The following CUL1 variants were observed in gnomAD, a reference collection of about 807,000 sequenced individuals.
CUL1 encodes cullin-1.
CUL1 carries 24 observed loss-of-function variants against 118.0 expected under a neutral mutation model. The observed-to-expected ratio is 0.20, with a 90% CI of 0.15 to 0.29. The LOEUF (loss-of-function observed/expected upper bound fraction) is 0.29, where lower values mean the gene tolerates loss of function less well. Ranked by LOEUF, CUL1 falls within the 10% of genes least tolerant of loss-of-function variation. The probability of loss-of-function intolerance (pLI) is 1.00; values close to 1 mark genes in which losing one functional copy is unlikely to be tolerated. For synonymous variants in CUL1, 332 were observed against 340.4 expected, an observed-to-expected ratio of 0.98 and a Z score of 0.27; for missense variants, 361 against 933.8, an observed-to-expected ratio of 0.39 and a Z score of 7.99.
rs932224228 is a variant in CUL1 at position 148,749,498 on chromosome 7, T to C, written c.141-4478T>C. Among the ~76,000 whole-genome samples, 4 of 151,358 alleles carry C rather than the reference T, an allele frequency of 2.6e-5. No homozygotes were observed. In the East Asian group the frequency reaches 7.7e-4, roughly 29 times the overall value. ...GAAAATTATTAAAACCCAAAATAGT[T>C]CTTTAAAAAACCGACAAGCCTCTGG... On this transcript the variant is annotated intron_variant, in intron 2 of 21. Transcript: ENST00000325222.
At chr7:148,781,665 C>A (rs1311440711) in intron 9 of CUL1, among the ~76,000 whole-genome samples, 1 of 152,180 alleles carries the variant, frequency 6.6e-6, no homozygotes, top group Non-Finnish European at 1.5e-5. Context: ...ATCACTGGTT[C>A]AGAGGAGTCC....
intron 2 of CUL1, among the ~76,000 whole-genome samples, chr7:148,752,572 A>AT (rs71192724): frequency 0.25 from 37,793 of 152,016 alleles, 5,536 homozygotes; most frequent in South Asian, 0.35. Context: ...ATAGAGATTC[A>AT]TTTTTTTAAT....
intron 2 of CUL1, 127 bp downstream of exon 2, chr7:148,730,389 C>A: frequency 2.7e-6 from 3 of 1,127,374 alleles, no homozygotes; most frequent in South Asian, 1.7e-5. Context: ...TCGCAGGGTT[C>A]ATTTTTAGCC....
intron 2 of CUL1, among the ~76,000 whole-genome samples, chr7:148,744,611 T>C (rs1799250952): frequency 6.6e-6 from 1 of 152,178 alleles, no homozygotes; most frequent in Non-Finnish European, 1.5e-5. Context: ...CATATGTTTT[T>C]AAACCCACAA....
At chr7:148,700,620 A>G (rs144795045) in intron 1 of CUL1, among the ~76,000 whole-genome samples, 13 of 152,328 alleles carry the variant, frequency 8.5e-5, no homozygotes, top group Non-Finnish European at 1.6e-4. Context: ...TTACATTTCA[A>G]ATTCCAAAGC....
At chr7:148,765,399 G>A (rs1383872679) in intron 7 of CUL1, among the ~76,000 whole-genome samples, 1 of 152,174 alleles carries the variant, frequency 6.6e-6, no homozygotes, top group Non-Finnish European at 1.5e-5. Flanking sequence ...GGAAGCCGAG[G>A]CAGGAGAATT....
intron 9 of CUL1, among the ~76,000 whole-genome samples, chr7:148,778,095 A>AAAGAAG (rs1488340904): frequency 3.7e-5 from 3 of 80,740 alleles, no homozygotes; most frequent in African/African-American, 6.1e-5. Context: ...AAAAAAAAAA[A>AAAGAAG]AAGAAGAAGA....
chr7:148,754,107 G>A lies in CUL1; in HGVS notation c.272G>A (p.Arg91Gln), dbSNP rs1012140487. ...AQFVGLELYK[R>Q]LKEFLKNYLT... Reference sequence around the variant, plus strand: ...TTTGTTGGCCTGGAATTATATAAACGACTTAAGGAATTTTTGAAGAATTAC... The same window carrying A: ...TTTGTTGGCCTGGAATTATATAAACAACTTAAGGAATTTTTGAAGAATTAC... Residue 91 changes from arginine (R) to glutamine (Q), a missense_variant, in exon 3 of 22, where the codon CGA (arginine) becomes CAA (glutamine). This residue lies in a region of CUL1 where 49 missense variants were observed against 67.4 expected (regional missense o/e 0.73). Coordinates refer to ENST00000325222, the MANE Select transcript of CUL1 (RefSeq NM_003592.3). 4.3e-6 allele frequency: 7 copies of A among 1,611,654 alleles called. No homozygotes were observed. The highest frequency in any genetic ancestry group is 2.2e-5 in the South Asian group (2 of 90,512).
chr7:148,713,109 G>T (rs762336348), intron 1 of CUL1, among the ~76,000 whole-genome samples: 4 of 152,206 alleles, frequency 2.6e-5, no homozygotes, highest in Admixed American at 6.5e-5. Flanking sequence ...TGAAAAGCAT[G>T]TGTGGTGTAG....
At chr7:148,763,332 G>A (rs919668546) in intron 7 of CUL1, among the ~76,000 whole-genome samples, 2 of 151,990 alleles carry the variant, frequency 1.3e-5, no homozygotes, top group Admixed American at 6.6e-5. Context: ...GGTTTGGCCC[G>A]GATCCACTTG....
At position 148,800,100 on chromosome 7, in the gene CUL1, T is replaced by G. The variant is rs771066786; in HGVS notation, c.2251-402T>G. Among the ~76,000 whole-genome samples, 5 of 152,200 alleles carry G rather than the reference T, an allele frequency of 3.3e-5. No homozygotes were observed. Among genetic ancestry groups the G allele is most frequent in the Non-Finnish European group, 7.3e-5 (5 of 68,030 alleles). On this transcript the variant is annotated intron_variant, in intron 21 of 21. Transcript: ENST00000325222. The surrounding 1 kb of genome is among the most constrained non-coding windows in gnomAD (Gnocchi z 4.6). ...CCTCCTGGGTTACATTTGGCACAGGTGCCAGTTCGTTCATGGCTGTTCAGG... is the reference window on the plus strand; with the variant it reads ...CCTCCTGGGTTACATTTGGCACAGGGGCCAGTTCGTTCATGGCTGTTCAGG...
Position 148,798,022 on chromosome 7 carries a change from A to G in CUL1, c.2030+3A>G. The G allele has an allele frequency of 6.4e-7, 1 of 1,555,834 alleles. No individual in the cohort carries two copies. ...AAATTATATCTTGGTTATAAAAAGT[A>G]AGAAAAATCTAATAAGTAGATGGCC... is the stretch of plus-strand genomic sequence containing the variant. On this transcript the variant is annotated splice_donor_region_variant and intron_variant, in intron 19 of 21. Transcript: ENST00000325222.
At position 148,760,511 on chromosome 7, in the gene CUL1, AG is replaced by A. The variant is rs759641931; in HGVS notation, c.789+16del. On this transcript the variant is annotated intron_variant, in intron 7 of 21. Coordinates refer to ENST00000325222, the MANE Select transcript of CUL1 (RefSeq NM_003592.3). ...ATATGAAAAAGGTAAGCTTAAATAT[AG>A]TACTTTAAGTAGACTTAAGTTAAAG... 2 of 1,571,074 alleles carry A rather than the reference AG, an allele frequency of 1.3e-6. No homozygotes were observed. The highest frequency in any genetic ancestry group is 1.2e-5 in the South Asian group (1 of 85,592).
At chr7:148,714,301 T>G (rs1272181781) in intron 1 of CUL1, among the ~76,000 whole-genome samples, 1 of 152,220 alleles carries the variant, frequency 6.6e-6, no homozygotes, top group African/African-American at 2.4e-5. Context: ...TAACATTTTT[T>G]TGTGGTAAGA....
chr7:148,739,749 GTTTTA>G (rs1563155375), intron 2 of CUL1, among the ~76,000 whole-genome samples: 2 of 152,052 alleles, frequency 1.3e-5, no homozygotes, highest in Admixed American at 6.5e-5. Context: ...TAATTTATTG[GTTTTA>G]TTTTATTTTT....
chr7:148,776,386 G>A (rs1346614345), intron 9 of CUL1, among the ~76,000 whole-genome samples: 2 of 127,580 alleles, frequency 1.6e-5, no homozygotes, highest in African/African-American at 6.0e-5. Context: ...GCATGATCTC[G>A]GCTCACTGCA....
intron 9 of CUL1, among the ~76,000 whole-genome samples, chr7:148,781,629 G>A (rs1433033935): frequency 3.9e-5 from 6 of 152,114 alleles, no homozygotes; most frequent in African/African-American, 9.7e-5. Flanking sequence ...ATTATAATTT[G>A]GAAACGTTAT....
At chr7:148,747,971 G>T (rs1046173809) in intron 2 of CUL1, among the ~76,000 whole-genome samples, 7 of 152,210 alleles carry the variant, frequency 4.6e-5, no homozygotes, top group Admixed American at 3.3e-4. Flanking sequence ...AAGGGGACCG[G>T]AAATATTTGA....
At chr7:148,783,351 G>A in intron 9 of CUL1, 1 of 985,290 alleles carries the variant, frequency 1.0e-6, no homozygotes, top group African/African-American at 1.7e-5. Flanking sequence ...CCCGCCCTGA[G>A]CCCCGCTTTC....
Sources: allele counts gnomAD v4.1 joint callset (sites outside exome capture counted in the v4.1 genomes callset), GRCh38; gene constraint gnomAD v4.1.1; regional missense constraint gnomAD v4.1.1; non-coding constraint Gnocchi (gnomAD v3.1); transcripts MANE v1.5; gene names NCBI Gene and HGNC (gene_info 2026-07-23, HGNC 2026-07-21).